The following PCDHA11 variants were observed in gnomAD, a reference collection of about 807,000 sequenced individuals.
PCDHA11 encodes protocadherin alpha-11.
A neutral mutation model predicts 70.3 loss-of-function variants in PCDHA11; 61 were observed. The observed-to-expected ratio is 0.87, with a 90% CI of 0.71 to 1.07. PCDHA11 has a LOEUF of 1.07. Among genes scored for constraint, PCDHA11 ranks in the 50% least tolerant of loss-of-function variants. The pLI, the probability that PCDHA11 is intolerant of heterozygous loss-of-function variation, is 0.00. For synonymous variants in PCDHA11, 633 were observed against 555.1 expected (o/e 1.14, Z -1.97); for missense variants, 1,324 against 1,237.5 (o/e 1.07, Z -1.05).
At chr5:140,882,732 A>G (rs782399296) in intron 1 of PCDHA11, 3 of 1,614,228 alleles carry the variant, frequency 1.9e-6, no homozygotes, top group Non-Finnish European at 2.5e-6. Context: ...TTTCCACTAG[A>G]TGGCGCATCC....
At chr5:140,990,224 G>T (rs1368393390) in intron 3 of PCDHA11, among the ~76,000 whole-genome samples, 1 of 152,160 alleles carries the variant, frequency 6.6e-6, no homozygotes, top group Non-Finnish European at 1.5e-5. Flanking sequence ...GAAGTTTATT[G>T]TAACTAGCGT....
intron 1 of PCDHA11, among the ~76,000 whole-genome samples, chr5:140,878,691 A>G (rs2057689901): frequency 6.6e-6 from 1 of 152,168 alleles, no homozygotes; most frequent in Non-Finnish European, 1.5e-5. Context: ...AGTCTTACAT[A>G]CCCCAGCCTG....
At chr5:140,878,731 A>G (rs1037542413) in intron 1 of PCDHA11, among the ~76,000 whole-genome samples, 3 of 152,370 alleles carry the variant, frequency 2.0e-5, no homozygotes, top group South Asian at 4.1e-4. Flanking sequence ...TTCCAGCCTT[A>G]TATCTACTTT....
At chr5:140,885,064 A>T (rs2060452937) in intron 1 of PCDHA11, among the ~76,000 whole-genome samples, 1 of 152,162 alleles carries the variant, frequency 6.6e-6, no homozygotes, top group Non-Finnish European at 1.5e-5. Context: ...TACCCACAAG[A>T]TATTATTTTA....
intron 1 of PCDHA11, among the ~76,000 whole-genome samples, chr5:140,920,557 G>A (rs1554199669): frequency 6.6e-6 from 1 of 152,158 alleles, no homozygotes; most frequent in African/African-American, 2.4e-5. Flanking sequence ...TCGAAGTGTG[G>A]CCCTTAGGCC....
At chr5:140,884,422 T>C (rs1470374467) in intron 1 of PCDHA11, 15 of 1,613,860 alleles carry the variant, frequency 9.3e-6, no homozygotes, top group Middle Eastern at 1.6e-4. Context: ...TGCTGCTGTA[T>C]ACTGCGCTGC....
At chr5:140,912,310 A>T (rs936183695) in intron 1 of PCDHA11, among the ~76,000 whole-genome samples, 1 of 151,764 alleles carries the variant, frequency 6.6e-6, no homozygotes, top group African/African-American at 2.4e-5. Flanking sequence ...AATCCAGTCA[A>T]GTTGACCCTC....
rs781863404 is a variant in PCDHA11, at chr5:141,010,259, G to C, written c.*322G>C. 6.4e-7 allele frequency: 1 copy of C among 1,551,820 alleles called. No individual in the cohort carries two copies. The highest frequency in any genetic ancestry group is 1.2e-5 in the South Asian group (1 of 84,074). On this transcript the variant is annotated 3_prime_UTR_variant, in exon 4 of 4. Coordinates refer to ENST00000398640, the MANE Select transcript of PCDHA11 (RefSeq NM_018902.5). Reference sequence around the variant, plus strand: ...TGAGAGGTTGGACTCTCTGCCCTGTGCTCCGGGGATCCTGTCTTGATGACA... The same window carrying C: ...TGAGAGGTTGGACTCTCTGCCCTGTCCTCCGGGGATCCTGTCTTGATGACA...
chr5:140,955,215 C>A (rs1313314138), intron 1 of PCDHA11, among the ~76,000 whole-genome samples: 1 of 152,148 alleles, frequency 6.6e-6, no homozygotes, highest in Non-Finnish European at 1.5e-5. Flanking sequence ...TAGCATGATG[C>A]CTCCAGCTTT....
chr5:140,902,225 A>G (rs1454445915), intron 1 of PCDHA11, among the ~76,000 whole-genome samples: 1 of 114,610 alleles, frequency 8.7e-6, no homozygotes, highest in African/African-American at 3.5e-5. Context: ...TTTTTTTGAG[A>G]TGAGGACTTG....
intron 3 of PCDHA11, among the ~76,000 whole-genome samples, chr5:140,988,469 G>A (rs2097299168): frequency 6.6e-6 from 1 of 152,150 alleles, no homozygotes; most frequent in Admixed American, 6.5e-5. Flanking sequence ...GGTGTGGGAA[G>A]GGGAATTAGC....
intron 1 of PCDHA11, chr5:140,876,391 G>T: frequency 6.2e-7 from 1 of 1,613,920 alleles, no homozygotes; most frequent in South Asian, 1.1e-5. Context: ...AATTTATGGT[G>T]AACTGGATTT....
At chr5:140,975,795 CT>C (rs1219508800) in intron 1 of PCDHA11, among the ~76,000 whole-genome samples, 2 of 151,168 alleles carry the variant, frequency 1.3e-5, no homozygotes, top group Non-Finnish European at 1.5e-5. Flanking sequence ...TAAATTAAAT[CT>C]TTTTTATAAT....
At chr5:140,892,595 A>G (rs1424989273) in intron 1 of PCDHA11, among the ~76,000 whole-genome samples, 1 of 151,958 alleles carries the variant, frequency 6.6e-6, no homozygotes, top group African/African-American at 2.4e-5. Flanking sequence ...TCATTCACCT[A>G]TTTTTTTCCT....
intron 1 of PCDHA11, among the ~76,000 whole-genome samples, chr5:140,962,118 C>T (rs561645739): frequency 1.3e-5 from 2 of 152,210 alleles, no homozygotes; most frequent in East Asian, 1.9e-4. Context: ...ATCTCCTAAC[C>T]TTGGCCTCGG....
intron 1 of PCDHA11, chr5:140,928,272 TG>T (rs781906023): frequency 6.2e-7 from 1 of 1,614,156 alleles, no homozygotes; most frequent in Non-Finnish European, 8.5e-7. Context: ...ACAATGGCCC[TG>T]GGGCCTCTCT....
chr5:140,908,256 A>G (rs192899359), intron 1 of PCDHA11, among the ~76,000 whole-genome samples: 9 of 152,248 alleles, frequency 5.9e-5, no homozygotes, highest in Non-Finnish European at 1.0e-4. Flanking sequence ...AACTGATCAT[A>G]GGGAACTCCC....
In PCDHA11 at chr5:140,869,562, A is replaced by C; in HGVS notation, c.459A>C (p.Pro153=). The change falls in exon 1 of 4, where the codon CCA becomes CCC. Residue 153 remains proline (P), a synonymous_variant. Transcript: ENST00000398640. ...AESKQSDSRF[P]LEGASDADIE... ...CTAAGCAATCGGACTCGCGTTTTCC[A>C]CTAGAGGGAGCTTCTGATGCTGACA... 2.5e-6 allele frequency: 4 copies of C among 1,614,168 alleles called. No individual in the cohort carries two copies.
At chr5:140,967,354 C>T in intron 1 of PCDHA11, 1 of 1,607,952 alleles carries the variant, frequency 6.2e-7, no homozygotes, top group South Asian at 1.1e-5. Flanking sequence ...TCGAGCTGGA[C>T]CTTAAGCCCC....
Sources: allele counts gnomAD v4.1 joint callset (sites outside exome capture counted in the v4.1 genomes callset), GRCh38; gene constraint gnomAD v4.1.1; transcripts MANE v1.5; gene names NCBI Gene and HGNC (gene_info 2026-07-23, HGNC 2026-07-21).